KIAA1217: variants seen among roughly 807,000 people sequenced by gnomAD.
KIAA1217 encodes KIAA1217.
In KIAA1217, 88 loss-of-function variants were observed where a neutral mutation model predicts 163.9. The ratio of observed to expected loss-of-function variants is 0.54; its 90% confidence interval spans 0.45 to 0.64. The LOEUF is 0.64. KIAA1217 is among the 30% of genes least tolerant of loss of function. The pLI, the probability that KIAA1217 is intolerant of heterozygous loss-of-function variation, is 0.00. For missense variants in KIAA1217, 2,372 were observed against 2,475.0 expected (o/e 0.96, Z 0.88); for synonymous variants, 903 against 923.1 (o/e 0.98, Z 0.39).
rs186060128 is a variant in KIAA1217, at chr10:23,823,394, C to T, written c.-321+128160C>T. On this transcript the variant is annotated intron_variant, in intron 1 of 18. Coordinates refer to the KIAA1217 transcript ENST00000376462. ...TCTCAGAGCCAGCAAAAGTTTGAGT[C>T]CTTCTTACGCTTAGAATCTCTGACT... is the stretch of plus-strand genomic sequence containing the variant. Among the ~76,000 whole-genome samples the T allele has an allele frequency of 4.3e-3, 648 of 152,340 alleles. 7 individuals carry two copies. Among genetic ancestry groups the T allele is most frequent in the African/African-American group, 0.013 (552 of 41,580 alleles).
intron 2 of KIAA1217, among the ~76,000 whole-genome samples, chr10:24,065,279 T>G (rs988511617): frequency 2.0e-5 from 3 of 152,202 alleles, no homozygotes; most frequent in Non-Finnish European, 4.4e-5. Context: ...TGTGGGCATT[T>G]AGTGCTATAA....
intron 1 of KIAA1217, among the ~76,000 whole-genome samples, chr10:23,740,407 C>T (rs367547309): frequency 1.8e-4 from 27 of 152,092 alleles, no homozygotes; most frequent in Admixed American, 8.5e-4. Flanking sequence ...TGCCCAGGCT[C>T]GAGTGCAGTG....
chr10:23,916,441 C>T (rs959624521), intron 1 of KIAA1217, among the ~76,000 whole-genome samples: 5 of 152,196 alleles, frequency 3.3e-5, no homozygotes, highest in Non-Finnish European at 7.3e-5. Context: ...TCTCTTCCTT[C>T]CTGGTGCATT....
At chr10:24,163,358 A>T (rs1295066573) in intron 2 of KIAA1217, among the ~76,000 whole-genome samples, 1 of 152,210 alleles carries the variant, frequency 6.6e-6, no homozygotes, top group African/African-American at 2.4e-5. Flanking sequence ...GACTATTGTC[A>T]TTAATGGCCT....
At chr10:24,176,965 C>G (rs747354701) in intron 2 of KIAA1217, among the ~76,000 whole-genome samples, 2 of 152,134 alleles carry the variant, frequency 1.3e-5, no homozygotes, top group Non-Finnish European at 2.9e-5. Context: ...GTTGCTGGCC[C>G]GGGTGCTAAG....
At chr10:23,783,366 G>A (rs1835347464) in intron 1 of KIAA1217, among the ~76,000 whole-genome samples, 1 of 152,084 alleles carries the variant, frequency 6.6e-6, no homozygotes, top group Non-Finnish European at 1.5e-5. Flanking sequence ...ATATTACATT[G>A]ATTTATTTGT....
At chr10:24,433,762 G>C (rs973738516) in intron 4 of KIAA1217, among the ~76,000 whole-genome samples, 3 of 151,490 alleles carry the variant, frequency 2.0e-5, no homozygotes, top group Admixed American at 1.3e-4. Flanking sequence ...CCACTGGGTC[G>C]TTATTTACAC....
At chr10:23,900,296 A>C (rs1391754954) in intron 1 of KIAA1217, among the ~76,000 whole-genome samples, 5 of 151,978 alleles carry the variant, frequency 3.3e-5, no homozygotes, top group Non-Finnish European at 5.9e-5. Context: ...ACGAGCCACC[A>C]CACCCAGCCC....
At chr10:24,522,357 A>T (rs1285451077) in intron 12 of KIAA1217, among the ~76,000 whole-genome samples, 1 of 152,128 alleles carries the variant, frequency 6.6e-6, no homozygotes, top group Non-Finnish European at 1.5e-5. Context: ...GGGTTTTTTA[A>T]AATAACATTT....
chr10:24,418,214 C>T lies in KIAA1217; in HGVS notation c.554-14781C>T, dbSNP rs182557253. Among the ~76,000 whole-genome samples, 53 of 152,216 alleles carry T rather than the reference C, an allele frequency of 3.5e-4. 1 individual carries two copies. In the East Asian group the frequency reaches 9.7e-3, roughly 28 times the overall value. ...TCAAACGATCCTCCTCCCTTCTTGT[C>T]CTCCCAAAGTGCTGGGAATACTGGT... On this transcript the variant is annotated intron_variant, in intron 3 of 20. Coordinates refer to ENST00000376454, the MANE Select transcript of KIAA1217 (RefSeq NM_019590.5).
intron 1 of KIAA1217, among the ~76,000 whole-genome samples, chr10:23,917,765 T>A (rs996432575): frequency 1.3e-5 from 2 of 152,184 alleles, no homozygotes; most frequent in African/African-American, 4.8e-5. Flanking sequence ...CAGCACATCC[T>A]ATGTGCTAAG....
At chr10:23,965,344 G>A (rs545554321) in intron 1 of KIAA1217, among the ~76,000 whole-genome samples, 6 of 152,348 alleles carry the variant, frequency 3.9e-5, no homozygotes, top group South Asian at 4.1e-4. Flanking sequence ...CTAACTGAGT[G>A]CAGTCTCACT....
chr10:23,810,402 C>T (rs555864586), intron 1 of KIAA1217, among the ~76,000 whole-genome samples: 1 of 144,066 alleles, frequency 6.9e-6, no homozygotes, highest in Non-Finnish European at 1.5e-5. Context: ...TATATACTCT[C>T]TCTATAATAT....
At chr10:24,459,981 C>A (rs2062207779) in intron 5 of KIAA1217, among the ~76,000 whole-genome samples, 1 of 152,078 alleles carries the variant, frequency 6.6e-6, no homozygotes, top group Non-Finnish European at 1.5e-5. Flanking sequence ...ACACCTGGAC[C>A]AAAATGCTAG....
At position 24,359,756 on chromosome 10, in the gene KIAA1217, C is replaced by CT. The variant is rs527400231; in HGVS notation, c.355-21107dup. Among the ~76,000 whole-genome samples, 43 of 152,204 alleles carry CT rather than the reference C, an allele frequency of 2.8e-4. No individual in the cohort carries two copies. The South Asian group carries it at 8.5e-3, about 30-fold the overall frequency. On this transcript the variant is annotated intron_variant, in intron 2 of 20. Transcript: ENST00000376454. The stretch of plus-strand genomic sequence containing the variant: ...AGCTGTTGGGATATCACCCTGAACT[C>CT]TTTTTTGTTAAATGTTGCTGCTTTT...
intron 1 of KIAA1217, among the ~76,000 whole-genome samples, chr10:24,000,045 G>T: frequency 6.6e-6 from 1 of 152,314 alleles, no homozygotes; most frequent in Admixed American, 6.5e-5. Flanking sequence ...CAGCCTGGGT[G>T]ATAGAGTAAG....
chr10:24,220,030 T>C, intron 2 of KIAA1217, 121 bp downstream of exon 2: 1 of 1,046,924 alleles, frequency 9.6e-7, no homozygotes, highest in Non-Finnish European at 1.3e-6. Flanking sequence ...TACTATTTAG[T>C]TGTTCTGGAT....
rs867149744 is a variant in KIAA1217 at position 24,368,187 on chromosome 10, C to T, written c.355-12682C>T. Reference sequence around the variant, plus strand: ...TAATCATTTTCACATTCCTAAAATTCATGCAAAATAGAGGCATCTTTATTA... The same window carrying T: ...TAATCATTTTCACATTCCTAAAATTTATGCAAAATAGAGGCATCTTTATTA... On this transcript the variant is annotated intron_variant, in intron 2 of 20. Coordinates refer to ENST00000376454, the MANE Select transcript of KIAA1217 (RefSeq NM_019590.5). Among the ~76,000 whole-genome samples the T allele has an allele frequency of 2.0e-4, 30 of 152,286 alleles. No homozygotes were observed. The Middle Eastern group carries it at 0.01, about 52-fold the overall frequency.
At chr10:24,381,318 C>T (rs1236392123) in intron 3 of KIAA1217, among the ~76,000 whole-genome samples, 1 of 152,164 alleles carries the variant, frequency 6.6e-6, no homozygotes, top group Non-Finnish European at 1.5e-5. Context: ...AGCCAAGAGG[C>T]TAGTAGTATT....
Sources: gnomAD v4.1 joint callset for allele counts (sites outside exome capture counted in the v4.1 genomes callset) on GRCh38, gnomAD v4.1.1 for gene constraint, MANE v1.5 for transcripts, NCBI Gene and HGNC (gene_info 2026-07-23, HGNC 2026-07-21) for gene names.